Variants in MCC observed in about 807,000 individuals in gnomAD.
The protein encoded by MCC is colorectal mutant cancer protein.
In MCC, 90 loss-of-function variants were observed where a neutral mutation model predicts 116.2. The ratio of observed to expected loss-of-function variants is 0.77; its 90% CI spans 0.65 to 0.92. MCC has a LOEUF of 0.92. Ranked by LOEUF, MCC falls within the 40% of genes least tolerant of loss-of-function variation. The pLI is 0.00. For missense variants in MCC, 1,516 were observed against 1,312.2 expected (o/e 1.16, Z -2.40); for synonymous variants, 578 against 510.5 (o/e 1.13, Z -1.78).
At chr5:113,459,825 A>AACACACACAC (rs5870543) in intron 1 of MCC, among the ~76,000 whole-genome samples, 13,031 of 147,482 alleles carry the variant, frequency 0.088, 881 homozygotes, top group Admixed American at 0.19. Context: ...CGCTATGGAA[A>AACACACACAC]ACACACACAC....
At chr5:113,131,435 T>C (rs1758420868) in intron 5 of MCC, among the ~76,000 whole-genome samples, 9 of 152,204 alleles carry the variant, frequency 5.9e-5, no homozygotes, top group Admixed American at 5.9e-4. Context: ...TATTCATGAA[T>C]ACAATTTTTC....
In MCC at chr5:113,434,835, T is replaced by C; in HGVS notation, c.171-49623A>G. 6.2e-7 allele frequency: 1 copy of C among 1,605,636 alleles called. No homozygotes were observed. The highest frequency in any genetic ancestry group is 8.5e-7 in the Non-Finnish European group (1 of 1,174,154). On this transcript the variant is annotated intron_variant, in intron 1 of 18. Coordinates refer to ENST00000408903, the MANE Select transcript of MCC (RefSeq NM_001085377.2). This position sits in a 1 kb window ranked among gnomAD's most constrained non-coding sequence, Gnocchi z 4.2. ...TCGTCGCTTGAGGACAGCAGCGTCATCCATGGTGCCAGGAATGCCCAGTGC... is the reference window on the plus strand; with the variant it reads ...TCGTCGCTTGAGGACAGCAGCGTCACCCATGGTGCCAGGAATGCCCAGTGC...
Position 113,121,387 on chromosome 5 carries a change from C to T in MCC, c.1027+1297G>A, listed in dbSNP as rs140863636. On this transcript the variant is annotated intron_variant, in intron 6 of 18. Transcript: ENST00000408903. ...TCATGGCCTGTAAGACTCTGCATGG[C>T]CTAGTTCCTGCCTACCTCTCCAGTC... is the stretch of plus-strand genomic sequence containing the variant. 5.3e-5 allele frequency among the ~76,000 whole-genome samples: 8 copies of T among 152,262 alleles called. No individual in the cohort carries two copies. In the East Asian group the frequency reaches 1.5e-3, roughly 29 times the overall value.
At chr5:113,091,912 C>CAG (rs767591988) in intron 8 of MCC, among the ~76,000 whole-genome samples, 1 of 150,654 alleles carries the variant, frequency 6.6e-6, no homozygotes, top group Non-Finnish European at 1.5e-5. Context: ...ACCACACAAA[C>CAG]ACACACACAC....
intron 1 of MCC, among the ~76,000 whole-genome samples, chr5:113,456,623 ATT>A (rs34111159): frequency 3.3e-3 from 168 of 51,066 alleles, no homozygotes; most frequent in African/African-American, 8.1e-3. Context: ...TGCCCAGCTA[ATT>A]TTTTTTTTTT....
At chr5:113,157,295 G>A (rs998581087) in intron 3 of MCC, among the ~76,000 whole-genome samples, 4 of 152,204 alleles carry the variant, frequency 2.6e-5, no homozygotes, top group African/African-American at 4.8e-5. Context: ...GGCAAGCTAT[G>A]CTTCCCGATT....
intron 1 of MCC, among the ~76,000 whole-genome samples, chr5:113,421,254 G>T (rs940887561): frequency 2.0e-5 from 3 of 152,002 alleles, no homozygotes; most frequent in African/African-American, 7.3e-5. Context: ...CTGAACTCCT[G>T]ACCTCATGTG....
At chr5:113,456,502 G>C (rs1771550866) in intron 1 of MCC, among the ~76,000 whole-genome samples, 1 of 151,932 alleles carries the variant, frequency 6.6e-6, no homozygotes, top group African/African-American at 2.4e-5. Context: ...TGTTGCCCAG[G>C]CTGGAGTGCA....
chr5:113,029,946 T>TC (rs1750841570), intron 17 of MCC, among the ~76,000 whole-genome samples: 1 of 152,188 alleles, frequency 6.6e-6, no homozygotes, highest in South Asian at 2.1e-4. Flanking sequence ...TTGGTTTGAT[T>TC]CCCCAATGCA....
At chr5:113,349,200 T>C (rs1270124502) in intron 2 of MCC, among the ~76,000 whole-genome samples, 2 of 152,084 alleles carry the variant, frequency 1.3e-5, no homozygotes, top group Non-Finnish European at 2.9e-5. Flanking sequence ...ACTCATTCTA[T>C]GAGGCCAGTA....
At chr5:113,237,147 T>G (rs1764165271) in intron 3 of MCC, among the ~76,000 whole-genome samples, 1 of 152,218 alleles carries the variant, frequency 6.6e-6, no homozygotes, top group Admixed American at 6.5e-5. Flanking sequence ...TCATGGCGTA[T>G]ACAATCCACT....
chr5:113,081,258 G>C (rs934796864), intron 11 of MCC, among the ~76,000 whole-genome samples: 2 of 152,206 alleles, frequency 1.3e-5, no homozygotes, highest in Non-Finnish European at 2.9e-5. Context: ...CAAAGGGTAA[G>C]GGTTGGAATT....
intron 1 of MCC, among the ~76,000 whole-genome samples, chr5:113,387,413 G>A (rs1424463190): frequency 6.6e-6 from 1 of 152,202 alleles, no homozygotes; most frequent in Non-Finnish European, 1.5e-5. Context: ...TCATCCAAGA[G>A]TTAGGGATGA....
chr5:113,426,940 A>C (rs1334605432), intron 1 of MCC, among the ~76,000 whole-genome samples: 1 of 152,180 alleles, frequency 6.6e-6, no homozygotes, highest in Non-Finnish European at 1.5e-5. Context: ...TCCACAAACA[A>C]AATCCACAAA....
intron 6 of MCC, among the ~76,000 whole-genome samples, chr5:113,106,872 T>G (rs1436228038): frequency 2.6e-5 from 4 of 152,230 alleles, no homozygotes; most frequent in African/African-American, 9.7e-5. Flanking sequence ...TACATATTGT[T>G]CAGCTCTCAG....
chr5:113,295,181 AAAAAG>A (rs1350730027), intron 3 of MCC, among the ~76,000 whole-genome samples: 1 of 152,010 alleles, frequency 6.6e-6, no homozygotes, highest in Admixed American at 6.6e-5. Context: ...TTAAAAAAAA[AAAAAG>A]AAAAGAAAAA....
intron 6 of MCC, among the ~76,000 whole-genome samples, chr5:113,109,814 G>C (rs546004005): frequency 7.2e-5 from 11 of 152,140 alleles, no homozygotes; most frequent in Non-Finnish European, 1.3e-4. Context: ...GTGGGTTGGA[G>C]AGCAAGAGAA....
intron 3 of MCC, among the ~76,000 whole-genome samples, chr5:113,327,581 TATATAA>T (rs72315933): frequency 0.093 from 11,900 of 127,930 alleles, 800 homozygotes; most frequent in Non-Finnish European, 0.14. Context: ...TATATATATA[TATATAA>T]AAATCTCATC....
chr5:113,229,932 CA>C (rs777458354), intron 3 of MCC, among the ~76,000 whole-genome samples: 8 of 152,216 alleles, frequency 5.3e-5, no homozygotes, highest in Admixed American at 2.0e-4. Flanking sequence ...CCTAACAACA[CA>C]TTTCTCAAAA....
Sources: gnomAD v4.1 joint callset for allele counts (sites outside exome capture counted in the v4.1 genomes callset) on GRCh38, gnomAD v4.1.1 for gene constraint, Gnocchi (gnomAD v3.1) non-coding constraint, MANE v1.5 for transcripts, NCBI Gene and HGNC (gene_info 2026-07-23, HGNC 2026-07-21) for gene names.